Variants in CDH13 observed in about 807,000 individuals in gnomAD.
The protein encoded by CDH13 is cadherin-13.
In CDH13, 24 loss-of-function variants were observed where a neutral mutation model predicts 63.8. That is an observed-to-expected ratio of 0.38 (90% confidence interval 0.27 to 0.53). The LOEUF is 0.53. Ranked by LOEUF, CDH13 falls within the 20% of genes least tolerant of loss-of-function variation. The probability of loss-of-function intolerance (pLI) is 0.85; values close to 1 mark genes in which losing one functional copy is unlikely to be tolerated. For synonymous variants in CDH13, 503 were observed against 355.3 expected (o/e 1.42, Z -4.67); for missense variants, 1,049 against 903.1 (o/e 1.16, Z -2.07).
In CDH13 at chr16:83,535,655, A is replaced by T. The variant is rs542338485; in HGVS notation, c.960+49000A>T. On this transcript the variant is annotated intron_variant, in intron 7 of 13. Transcript: ENST00000567109. ...GAATGAAATGCTGAGCCAACTGTGC[A>T]GTCCTGGACAGGTTAATTAACATTT... Among the ~76,000 whole-genome samples the T allele has an allele frequency of 7.7e-4, 118 of 152,360 alleles. 1 individual carries two copies. Among genetic ancestry groups the T allele is most frequent in the African/African-American group, 2.8e-3 (117 of 41,578 alleles).
At chr16:82,641,858 G>A (rs1320404223) in intron 1 of CDH13, among the ~76,000 whole-genome samples, 1 of 152,186 alleles carries the variant, frequency 6.6e-6, no homozygotes, top group Non-Finnish European at 1.5e-5. Context: ...ATAAAAAAAT[G>A]AACAGGTAGG....
intron 8 of CDH13, among the ~76,000 whole-genome samples, chr16:83,626,934 A>C (rs1176473296): frequency 6.6e-6 from 1 of 151,996 alleles, no homozygotes; most frequent in Non-Finnish European, 1.5e-5. Context: ...ATCCTAGAGC[A>C]TCTCACCTCT....
intron 2 of CDH13, among the ~76,000 whole-genome samples, chr16:83,006,034 G>T (rs547121818): frequency 2.0e-5 from 3 of 152,310 alleles, no homozygotes; most frequent in East Asian, 3.9e-4. Flanking sequence ...ACTCAGTTCA[G>T]ATTCACCATT....
intron 2 of CDH13, among the ~76,000 whole-genome samples, chr16:83,013,435 G>A (rs1218986604): frequency 2.0e-5 from 3 of 152,152 alleles, no homozygotes; most frequent in South Asian, 2.1e-4. Context: ...CCTTCTTTAC[G>A]CAGCTGCCAT....
intron 8 of CDH13, among the ~76,000 whole-genome samples, chr16:83,667,942 G>A (rs1339185886): frequency 6.6e-6 from 1 of 152,064 alleles, no homozygotes; most frequent in Non-Finnish European, 1.5e-5. Context: ...GGATTACAGT[G>A]TTAGAATACC....
chr16:83,514,190 A>C (rs1199026673), intron 7 of CDH13, among the ~76,000 whole-genome samples: 5 of 152,214 alleles, frequency 3.3e-5, no homozygotes, highest in Admixed American at 6.5e-5. Context: ...TCCATGCAAT[A>C]AATCCCATTA....
At chr16:83,501,341 C>G (rs1020032321) in intron 7 of CDH13, among the ~76,000 whole-genome samples, 1 of 152,140 alleles carries the variant, frequency 6.6e-6, no homozygotes, top group African/African-American at 2.4e-5. Context: ...TTTTCTCTCC[C>G]GTGTCTTCTA....
chr16:82,714,686 C>G (rs113791779), intron 1 of CDH13, among the ~76,000 whole-genome samples: 8 of 126,284 alleles, frequency 6.3e-5, no homozygotes, highest in South Asian at 2.9e-4. Context: ...TGCACTCCAG[C>G]CTAGGCGACA....
chr16:82,769,791 A>C (rs2035192956), intron 1 of CDH13, among the ~76,000 whole-genome samples: 1 of 152,224 alleles, frequency 6.6e-6, no homozygotes. Context: ...CATCAGCAAG[A>C]ACACATTTAC....
chr16:83,309,267 G>A (rs1239103499), intron 5 of CDH13, among the ~76,000 whole-genome samples: 3 of 152,156 alleles, frequency 2.0e-5, no homozygotes, highest in African/African-American at 7.2e-5. Context: ...GGGAGTACTG[G>A]GATCTTTGGG....
chr16:83,696,872 G>A (rs1022454562), intron 10 of CDH13, among the ~76,000 whole-genome samples: 1 of 152,104 alleles, frequency 6.6e-6, no homozygotes, highest in Non-Finnish European at 1.5e-5. Flanking sequence ...TCTCTCCCCT[G>A]ATGAAGCCCT....
At chr16:83,365,009 C>G (rs542234672) in intron 6 of CDH13, among the ~76,000 whole-genome samples, 19 of 152,268 alleles carry the variant, frequency 1.2e-4, no homozygotes, top group Admixed American at 7.8e-4. Context: ...CAGCAAACCA[C>G]CATGGCACAG....
At chr16:83,595,923 A>G (rs958804632) in intron 7 of CDH13, among the ~76,000 whole-genome samples, 1 of 152,238 alleles carries the variant, frequency 6.6e-6, no homozygotes, top group Non-Finnish European at 1.5e-5. Context: ...GAGTTACAGA[A>G]TCAACGAAAG....
intron 3 of CDH13, among the ~76,000 whole-genome samples, chr16:83,086,302 G>C (rs2151573351): frequency 6.6e-6 from 1 of 152,312 alleles, no homozygotes; most frequent in East Asian, 1.9e-4. Flanking sequence ...TTAGTAGTTA[G>C]GGAATGCAGT....
chr16:83,610,319 C>A (rs553158201), intron 8 of CDH13, among the ~76,000 whole-genome samples: 1 of 152,034 alleles, frequency 6.6e-6, no homozygotes, highest in Admixed American at 6.6e-5. Flanking sequence ...TTTCAAAATG[C>A]GTTTCTAAAT....
intron 1 of CDH13, among the ~76,000 whole-genome samples, chr16:82,740,778 C>T (rs2033891385): frequency 6.6e-6 from 1 of 152,190 alleles, no homozygotes; most frequent in African/African-American, 2.4e-5. Context: ...CTTCCACCCA[C>T]TGGGCAAAGC....
intron 6 of CDH13, among the ~76,000 whole-genome samples, chr16:83,476,986 C>T (rs565836277): frequency 7.2e-5 from 11 of 152,146 alleles, no homozygotes; most frequent in East Asian, 3.9e-4. Flanking sequence ...ATCTTACTGT[C>T]GAAGTCTGGA....
At chr16:83,242,730 C>T (rs1904589507) in intron 5 of CDH13, among the ~76,000 whole-genome samples, 1 of 152,184 alleles carries the variant, frequency 6.6e-6, no homozygotes, top group South Asian at 2.1e-4. Flanking sequence ...TGATTGTCTT[C>T]TTGGAGACCG....
chr16:83,188,585 C>T (rs566874888), intron 4 of CDH13, among the ~76,000 whole-genome samples: 31 of 152,294 alleles, frequency 2.0e-4, no homozygotes, highest in African/African-American at 7.0e-4. Context: ...GGCCATGGTC[C>T]TGGCTCCCAA....
Sources: allele counts gnomAD v4.1 joint callset (sites outside exome capture counted in the v4.1 genomes callset), GRCh38; gene constraint gnomAD v4.1.1; transcripts MANE v1.5; gene names NCBI Gene and HGNC (gene_info 2026-07-23, HGNC 2026-07-21).